RNF115: variants seen among roughly 807,000 people sequenced by gnomAD.
RNF115 encodes ring finger protein 115, also known as E3 ubiquitin-protein ligase RNF115.
RNF115 carries 31 observed loss-of-function variants against 39.2 expected under a neutral mutation model. That is an observed-to-expected ratio of 0.79 (90% CI 0.59 to 1.07). The LOEUF (loss-of-function observed/expected upper bound fraction) is 1.07, where lower values mean the gene tolerates loss of function less well. Among genes scored for constraint, RNF115 ranks in the 50% least tolerant of loss-of-function variants. The probability of loss-of-function intolerance (pLI) is 0.00; values close to 1 mark genes in which losing one functional copy is unlikely to be tolerated. For missense variants in RNF115, 384 were observed against 381.7 expected (o/e 1.01, Z -0.05); for synonymous variants, 124 against 131.0 (o/e 0.95, Z 0.37).
chr1:145,751,542 T>TG, intron 5 of RNF115, 32 bp from the exon 6 acceptor site: 1 of 1,514,248 alleles, frequency 6.6e-7, no homozygotes, highest in Non-Finnish European at 9.1e-7. Flanking sequence ...CAGCATTAGA[T>TG]GGAGTGACCA....
At chr1:145,786,007 TCTTC>T (rs1648363331) in intron 2 of RNF115, among the ~76,000 whole-genome samples, 1 of 152,192 alleles carries the variant, frequency 6.6e-6, no homozygotes, top group Admixed American at 6.5e-5. Flanking sequence ...CTTCCAAGAC[TCTTC>T]CTTCCTGCCT....
At chr1:145,820,125 CAAA>C (rs1650170405) in intron 1 of RNF115, among the ~76,000 whole-genome samples, 11 of 149,114 alleles carry the variant, frequency 7.4e-5, no homozygotes, top group African/African-American at 2.7e-4. Flanking sequence ...TCAACATAGG[CAAA>C]TCAATAAATG....
chr1:145,766,269 T>C (rs1469478295), intron 4 of RNF115, among the ~76,000 whole-genome samples: 2 of 152,176 alleles, frequency 1.3e-5, no homozygotes, highest in Non-Finnish European at 2.9e-5. Context: ...CATTTAACCC[T>C]GAGTGGACAC....
intron 7 of RNF115, 43 bp downstream of exon 7, chr1:145,750,364 C>T (rs1553712296): frequency 1.4e-6 from 2 of 1,451,414 alleles, no homozygotes; most frequent in African/African-American, 1.4e-5. Context: ...GGATTTTGAA[C>T]CGAGATCAGA....
intron 5 of RNF115, among the ~76,000 whole-genome samples, chr1:145,751,952 T>C (rs1216128601): frequency 1.3e-5 from 2 of 152,138 alleles, no homozygotes; most frequent in African/African-American, 4.8e-5. Context: ...AGCTTTCAAG[T>C]AGAGAAGCAG....
At chr1:145,809,691 A>T (rs2101601320) in intron 1 of RNF115, among the ~76,000 whole-genome samples, 1 of 104,850 alleles carries the variant, frequency 9.5e-6, no homozygotes, top group South Asian at 3.8e-4. Context: ...ACGGGGTTTC[A>T]CCATGTTGAT....
chr1:145,814,025 C>T (rs587596668), intron 1 of RNF115, among the ~76,000 whole-genome samples: 282 of 137,394 alleles, frequency 2.1e-3, no homozygotes, highest in African/African-American at 7.4e-3. Flanking sequence ...ACCTACCATC[C>T]CAATACTTTG....
rs1290555463 is a variant in RNF115 at position 145,824,088 on chromosome 1, G to A, written c.-215C>T. 6.4e-6 allele frequency: 3 copies of A among 469,106 alleles called. No individual in the cohort carries two copies. Among genetic ancestry groups the A allele is most frequent in the Non-Finnish European group, 1.1e-5 (3 of 268,178 alleles). 29.1% of individuals were successfully genotyped at this position (469,106 alleles called of 1,614,324 possible). A position where few individuals can be genotyped will look rare whatever the true frequency, so the allele number is the denominator to read the frequency against. On this transcript the variant is annotated 5_prime_UTR_variant, in exon 1 of 9. Coordinates refer to ENST00000582693, the MANE Select transcript of RNF115 (RefSeq NM_014455.4). ...TCCCAGCACCAAAGAGGCGCAGGAA[G>A]GAGAGACAAACGGCCCGCCCGCCGG...
chr1:145,750,384 A>C, intron 7 of RNF115, 23 bp downstream of exon 7: 2 of 1,548,082 alleles, frequency 1.3e-6, no homozygotes, highest in East Asian at 4.5e-5. Context: ...AAGATGACAG[A>C]ATAAGTATAA....
intron 4 of RNF115, among the ~76,000 whole-genome samples, chr1:145,758,033 G>C (rs1319357548): frequency 6.6e-6 from 1 of 152,172 alleles, no homozygotes; most frequent in Non-Finnish European, 1.5e-5. Flanking sequence ...TTTGTGGCTA[G>C]AGGGCAAACT....
intron 7 of RNF115, 144 bp downstream of exon 7, chr1:145,750,263 T>C: frequency 3.0e-6 from 2 of 668,762 alleles, no homozygotes; most frequent in East Asian, 2.8e-5. Flanking sequence ...TAAAGGTCCT[T>C]AATATAGGAA....
chr1:145,756,993 G>A (rs915782745), intron 4 of RNF115, among the ~76,000 whole-genome samples: 3 of 151,728 alleles, frequency 2.0e-5, no homozygotes, highest in Non-Finnish European at 2.9e-5. Flanking sequence ...GGGCCACCAC[G>A]CCTGGCTAAT....
intron 4 of RNF115, among the ~76,000 whole-genome samples, chr1:145,759,198 T>C (rs1455625196): frequency 6.6e-6 from 1 of 152,224 alleles, no homozygotes; most frequent in Non-Finnish European, 1.5e-5. Flanking sequence ...AGCTCTGCTA[T>C]TTCCTATCTT....
At chr1:145,820,663 G>A (rs1412433580) in intron 1 of RNF115, among the ~76,000 whole-genome samples, 3 of 152,150 alleles carry the variant, frequency 2.0e-5, no homozygotes, top group African/African-American at 7.2e-5. Flanking sequence ...TTGAACCCAG[G>A]AGGTGGAGGT....
chr1:145,780,315 G>A (rs1338231348), intron 3 of RNF115, among the ~76,000 whole-genome samples: 1 of 151,800 alleles, frequency 6.6e-6, no homozygotes, highest in African/African-American at 2.4e-5. Flanking sequence ...TATGGAAAAG[G>A]GAGCTCTTAG....
chr1:145,805,402 A>C (rs1365471419), intron 1 of RNF115, among the ~76,000 whole-genome samples: 6 of 152,196 alleles, frequency 3.9e-5, no homozygotes. Flanking sequence ...AGTTCTAAAA[A>C]AAAAATTATC....
intron 4 of RNF115, among the ~76,000 whole-genome samples, 163 bp downstream of exon 4, chr1:145,771,548 C>T (rs1553715754): frequency 2.0e-5 from 3 of 152,150 alleles, no homozygotes; most frequent in Non-Finnish European, 1.5e-5. Flanking sequence ...GGTTTATCAT[C>T]GGGTGAGTAC....
chr1:145,776,118 T>A (rs1553716531), intron 3 of RNF115, among the ~76,000 whole-genome samples: 1 of 150,468 alleles, frequency 6.6e-6, no homozygotes. Flanking sequence ...CAATTCAGAC[T>A]CCTACCAGAG....
At chr1:145,750,939 GAC>G (rs780425525) in intron 6 of RNF115, among the ~76,000 whole-genome samples, 177 of 152,272 alleles carry the variant, frequency 1.2e-3, no homozygotes, top group Middle Eastern at 3.4e-3. Context: ...GAATATAAAG[GAC>G]ATGCTTTCTA....
Sources: gnomAD v4.1 joint callset for allele counts (sites outside exome capture counted in the v4.1 genomes callset) on GRCh38, gnomAD v4.1.1 for gene constraint, MANE v1.5 for transcripts, NCBI Gene and HGNC (gene_info 2026-07-23, HGNC 2026-07-21) for gene names.